The following ZNF521 variants were observed in gnomAD, a reference collection of about 807,000 sequenced individuals.
ZNF521 encodes LYST-interacting protein 3.
Under a neutral mutation model 105.5 loss-of-function variants are expected in ZNF521, and 14 were observed. The ratio of observed to expected loss-of-function variants is 0.13; its 90% confidence interval spans 0.09 to 0.21. The LOEUF (loss-of-function observed/expected upper bound fraction) is 0.21. Among genes scored for constraint, ZNF521 ranks in the 10% least tolerant of loss-of-function variants. ZNF521 has a pLI of 1.00. For missense variants in ZNF521, 1,233 were observed against 1,629.7 expected (o/e 0.76, Z 4.19); for synonymous variants, 635 against 606.0 (o/e 1.05, Z -0.70).
intron 5 of ZNF521, among the ~76,000 whole-genome samples, chr18:25,177,477 A>T (rs1288594226): frequency 1.3e-5 from 2 of 151,814 alleles, no homozygotes; most frequent in Non-Finnish European, 2.9e-5. Context: ...GAGTTTAAAA[A>T]TAAAGCATGT....
At chr18:25,092,195 T>C (rs1213393428) in intron 5 of ZNF521, 114 bp from the exon 6 acceptor site, 2 of 1,176,646 alleles carry the variant, frequency 1.7e-6, no homozygotes, top group Non-Finnish European at 2.4e-6. Flanking sequence ...AATATACATA[T>C]GTAGTATTAT....
chr18:25,166,996 TTTATA>T (rs1255395129), intron 5 of ZNF521, among the ~76,000 whole-genome samples: 1 of 152,242 alleles, frequency 6.6e-6, no homozygotes, highest in Non-Finnish European at 1.5e-5. Flanking sequence ...TTTGCTTTAC[TTTATA>T]TATTTCTCAT....
intron 2 of ZNF521, among the ~76,000 whole-genome samples, chr18:25,343,789 G>A (rs1412940484): frequency 6.6e-6 from 1 of 152,054 alleles, no homozygotes; most frequent in Non-Finnish European, 1.5e-5. Context: ...AATTAAAAGA[G>A]ATGCTGCCCC....
chr18:25,147,337 T>C (rs1280146659), intron 5 of ZNF521, among the ~76,000 whole-genome samples: 1 of 152,194 alleles, frequency 6.6e-6, no homozygotes, highest in Admixed American at 6.5e-5. Flanking sequence ...TATGAACCTT[T>C]AATACTTGGC....
chr18:25,177,123 A>C (rs1402132838), intron 5 of ZNF521, among the ~76,000 whole-genome samples: 1 of 152,146 alleles, frequency 6.6e-6, no homozygotes. Context: ...ATTAGTGCTC[A>C]TATTTTATTG....
At chr18:25,166,909 A>G (rs2035352489) in intron 5 of ZNF521, among the ~76,000 whole-genome samples, 1 of 152,216 alleles carries the variant, frequency 6.6e-6, no homozygotes. Context: ...TGGATTAACC[A>G]ATATTATTGA....
chr18:25,186,100 GT>G (rs1389264875), intron 5 of ZNF521, among the ~76,000 whole-genome samples: 1 of 152,164 alleles, frequency 6.6e-6, no homozygotes, highest in Non-Finnish European at 1.5e-5. Context: ...GTAATTGAAA[GT>G]CTTACTTTTC....
At chr18:25,283,560 T>A (rs970449778) in intron 3 of ZNF521, among the ~76,000 whole-genome samples, 4 of 152,228 alleles carry the variant, frequency 2.6e-5, no homozygotes, top group African/African-American at 9.6e-5. Context: ...TGTGTCTGCA[T>A]TAAGTATAAT....
At chr18:25,323,947 A>T (rs1913069892) in intron 2 of ZNF521, among the ~76,000 whole-genome samples, 1 of 151,928 alleles carries the variant, frequency 6.6e-6, no homozygotes, top group Non-Finnish European at 1.5e-5. Flanking sequence ...CAAAATTCCC[A>T]TCTCAAAGAG....
chr18:25,098,823 G>A (rs1469931397), intron 5 of ZNF521, among the ~76,000 whole-genome samples: 4 of 152,018 alleles, frequency 2.6e-5, no homozygotes, highest in Non-Finnish European at 5.9e-5. Flanking sequence ...AAAAATTTTT[G>A]TCACCTAATC....
chr18:25,294,972 A>C (rs1016646026), intron 3 of ZNF521, among the ~76,000 whole-genome samples: 2 of 152,040 alleles, frequency 1.3e-5, no homozygotes, highest in Admixed American at 6.6e-5. Flanking sequence ...AATTGACGAA[A>C]TATACCTACA....
At chr18:25,081,582 T>C (rs140577994) in intron 7 of ZNF521, among the ~76,000 whole-genome samples, 141 of 152,306 alleles carry the variant, frequency 9.3e-4, no homozygotes, top group African/African-American at 3.2e-3. Flanking sequence ...TGAGCCCAGG[T>C]TGTGCCTCCA....
intron 5 of ZNF521, among the ~76,000 whole-genome samples, chr18:25,191,862 C>T (rs942501886): frequency 1.3e-5 from 2 of 152,078 alleles, no homozygotes; most frequent in East Asian, 3.9e-4. Context: ...TAATAACAGA[C>T]AGCTCAGAGA....
chr18:25,150,441 T>C (rs145485230), intron 5 of ZNF521, among the ~76,000 whole-genome samples: 4 of 151,974 alleles, frequency 2.6e-5, no homozygotes, highest in African/African-American at 9.7e-5. Flanking sequence ...AATAAAAAAT[T>C]ATAGGTAAAT....
At chr18:25,249,903 C>T (rs151108203) in intron 3 of ZNF521, among the ~76,000 whole-genome samples, 308 of 152,308 alleles carry the variant, frequency 2.0e-3, no homozygotes, top group African/African-American at 7.0e-3. Context: ...TTTAACATTA[C>T]ATAAATTTAA....
In ZNF521 at chr18:25,111,782, C is replaced by T. The variant is rs139500763; in HGVS notation, c.3659-19701G>A. Among the ~76,000 whole-genome samples the T allele has an allele frequency of 2.7e-3, 414 of 152,360 alleles. 2 individuals carry two copies. Among genetic ancestry groups the T allele is most frequent in the South Asian group, 0.013 (61 of 4,824 alleles). On this transcript the variant is annotated intron_variant, in intron 5 of 7. Transcript: ENST00000361524. ...GAATTCCCTGCCTCTAAGAAGAGCA[C>T]AGATGTCAGGCAAGCCTGACCCAGT...
At chr18:25,195,348 A>T (rs1214171086) in intron 4 of ZNF521, 104 bp from the exon 5 acceptor site, 1 of 934,664 alleles carries the variant, frequency 1.1e-6, no homozygotes, top group Non-Finnish European at 1.6e-6. Context: ...CTATGTTGCT[A>T]AGGAACAAAC....
At chr18:25,172,362 T>C in intron 5 of ZNF521, among the ~76,000 whole-genome samples, 1 of 152,202 alleles carries the variant, frequency 6.6e-6, no homozygotes, top group Non-Finnish European at 1.5e-5. Context: ...TTCCATCTAT[T>C]GTGTTTAAAG....
intron 7 of ZNF521, among the ~76,000 whole-genome samples, chr18:25,087,475 A>C (rs2144198036): frequency 6.6e-6 from 1 of 152,310 alleles, no homozygotes; most frequent in South Asian, 2.1e-4. Context: ...TTTGTTGCAA[A>C]CATTTTTGTT....
Sources: gnomAD v4.1 joint callset for allele counts (sites outside exome capture counted in the v4.1 genomes callset) on GRCh38, gnomAD v4.1.1 for gene constraint, MANE v1.5 for transcripts, NCBI Gene and HGNC (gene_info 2026-07-23, HGNC 2026-07-21) for gene names.